The following POU2AF1 variants were observed in gnomAD, a reference collection of about 807,000 sequenced individuals.
The protein encoded by POU2AF1 is POU class 2 homeobox associating factor 1.
A neutral mutation model predicts 26.3 loss-of-function variants in POU2AF1; 12 were observed. The ratio of observed to expected loss-of-function variants is 0.46; its 90% CI spans 0.29 to 0.74. The LOEUF is 0.74. Ranked by LOEUF, POU2AF1 falls within the 30% of genes least tolerant of loss-of-function variation. The pLI is 0.09. For synonymous variants in POU2AF1, 175 were observed against 148.0 expected, an observed-to-expected ratio of 1.18 and a Z score of -1.32; for missense variants, 297 against 334.5, an observed-to-expected ratio of 0.89 and a Z score of 0.87.
chr11:111,372,067 C>CAGAGAGAG (rs1192520089), intron 1 of POU2AF1, among the ~76,000 whole-genome samples: 1 of 144,428 alleles, frequency 6.9e-6, no homozygotes, highest in African/African-American at 2.7e-5. Flanking sequence ...CACACACACA[C>CAGAGAGAG]ACAGAGAGAG....
intron 1 of POU2AF1, among the ~76,000 whole-genome samples, chr11:111,361,012 T>C (rs1460683534): frequency 6.6e-6 from 1 of 152,008 alleles, no homozygotes; most frequent in African/African-American, 2.4e-5. Context: ...TGATAATCCA[T>C]TCCTAATTTA....
chr11:111,372,387 T>C (rs1861230680), intron 1 of POU2AF1, among the ~76,000 whole-genome samples: 1 of 145,794 alleles, frequency 6.9e-6, no homozygotes, highest in Non-Finnish European at 1.5e-5. Context: ...TGGGTTCTCA[T>C]GGTATGAACT....
At chr11:111,357,961 A>G (rs920769649) in intron 2 of POU2AF1, 124 bp from the exon 3 acceptor site, 6 of 1,059,116 alleles carry the variant, frequency 5.7e-6, no homozygotes, top group Non-Finnish European at 8.0e-6. Flanking sequence ...TGGTTAGAAC[A>G]AAACATCCCA....
chr11:111,354,470 T>A lies in POU2AF1; in HGVS notation c.562A>T (p.Thr188Ser), dbSNP rs770194828. The A allele has an allele frequency of 5.0e-6, 8 of 1,609,936 alleles. No homozygotes were observed. In the Admixed American group the frequency reaches 1.4e-4, roughly 27 times the overall value. Residue 188 changes from threonine to serine, a missense_variant, in exon 5 of 5, where the codon ACC (threonine) becomes TCC (serine). Thr to Ser is a moderately conservative substitution (Grantham distance 58). Coordinates refer to ENST00000393067, the MANE Select transcript of POU2AF1 (RefSeq NM_006235.3). Reference protein sequence around the residue: ...PWPQPLSTLPTSTLQYQPPAP... With the variant: ...PWPQPLSTLPSSTLQYQPPAP... ...GGAGGCTGGTACTGCAGGGTGGAGGTGGGTAGTGTGGAAAGGGGCTGAGGC... is the reference window on the plus strand; with the variant it reads ...GGAGGCTGGTACTGCAGGGTGGAGGAGGGTAGTGTGGAAAGGGGCTGAGGC...
intron 1 of POU2AF1, among the ~76,000 whole-genome samples, chr11:111,365,291 G>A (rs1188491039): frequency 6.6e-6 from 1 of 152,206 alleles, no homozygotes; most frequent in Non-Finnish European, 1.5e-5. Context: ...ATTCCTTTAT[G>A]AAGGACATTG....
rs1411606201 is a variant in POU2AF1, at chr11:111,352,434, A to G, written c.*1827T>C. The G allele has an allele frequency of 1.1e-5, 2 of 186,624 alleles. No homozygotes were observed. Among genetic ancestry groups the G allele is most frequent in the African/African-American group, 4.7e-5 (2 of 42,684 alleles). 11.6% of individuals were successfully genotyped at this position (186,624 alleles called of 1,614,324 possible). ...GTGGGTGAGCCAGTTCCCAAGGTAC[A>G]CGTTCACTATCAAGAGCTAAGCACA... On this transcript the variant is annotated 3_prime_UTR_variant, in exon 5 of 5. Coordinates refer to ENST00000393067, the MANE Select transcript of POU2AF1 (RefSeq NM_006235.3).
rs779793936 is a variant in POU2AF1 at position 111,354,544 on chromosome 11, G to A, written c.488C>T (p.Pro163Leu). The A allele has an allele frequency of 1.3e-6, 2 of 1,547,310 alleles. No individual in the cohort carries two copies. Among genetic ancestry groups the A allele is most frequent in the Non-Finnish European group, 1.7e-6 (2 of 1,152,494 alleles). Residue 163 changes from proline (P) to leucine (L), a missense_variant, in exon 5 of 5, where the codon CCC becomes CTC. By Grantham distance (98) the Pro-to-Leu change is moderately conservative (BLOSUM62 -3). Coordinates refer to ENST00000393067, the MANE Select transcript of POU2AF1 (RefSeq NM_006235.3). Reference protein sequence around the residue: ...TRSSATPAVGPPLEGPEHQAP... With the variant: ...TRSSATPAVGLPLEGPEHQAP... ...CTGGTGCTCTGGGCCCTCCAGCGGG[G>A]GCCCCACTGCGGGCGTGGCGGAGCT...
intron 1 of POU2AF1, among the ~76,000 whole-genome samples, chr11:111,376,599 T>C (rs1366034254): frequency 6.6e-6 from 1 of 152,208 alleles, no homozygotes; most frequent in Non-Finnish European, 1.5e-5. Context: ...ACTAGGGTCA[T>C]GGGCTAGGTA....
In POU2AF1 at chr11:111,357,573, G is replaced by T; in HGVS notation, c.328C>A (p.Pro110Thr). 1 of 1,614,106 alleles carries T rather than the reference G, an allele frequency of 6.2e-7. No homozygotes were observed. The highest frequency in any genetic ancestry group is 8.5e-7 in the Non-Finnish European group (1 of 1,179,980). ...APWTPYTEYV[P>T]HEAVSCPYSA... ...TAGGGGCAGCTGACAGCTTCATGGGGCACATACTCGGTGTAAGGTGTCCAT... is the reference window on the plus strand; with the variant it reads ...TAGGGGCAGCTGACAGCTTCATGGGTCACATACTCGGTGTAAGGTGTCCAT... The change falls in exon 4 of 5, where the codon CCC (proline) becomes ACC (threonine). Residue 110 changes from proline (P) to threonine (T), a missense_variant. By Grantham distance (38) the Pro-to-Thr change is conservative. Coordinates refer to ENST00000393067, the MANE Select transcript of POU2AF1 (RefSeq NM_006235.3).
At chr11:111,358,414 A>ACACT (rs1565360774) in intron 2 of POU2AF1, among the ~76,000 whole-genome samples, 4 of 78,886 alleles carry the variant, frequency 5.1e-5, no homozygotes, top group African/African-American at 1.5e-4. Flanking sequence ...ACTCTCTCAC[A>ACACT]CACACGCTCA....
intron 1 of POU2AF1, chr11:111,359,988 G>C (rs1159553284): frequency 1.9e-6 from 1 of 519,052 alleles, no homozygotes; most frequent in Non-Finnish European, 3.8e-6. Flanking sequence ...CTTGTACCCT[G>C]GGGCCAGACA....
Position 111,354,538 on chromosome 11 carries a change from AGCGGGGGCCCCACT to A in POU2AF1, c.480_493del (p.Val161GlyfsTer77), listed in dbSNP as rs1565358451. 6.4e-7 allele frequency: 1 copy of A among 1,552,050 alleles called. No individual in the cohort carries two copies. Among genetic ancestry groups the A allele is most frequent in the Admixed American group, 2.2e-5 (1 of 45,488 alleles). ...GGGTGCCTGGTGCTCTGGGCCCTCC[AGCGGGGGCCCCACT>A]GCGGGCGTGGCGGAGCTTCTTGTCT... On this transcript the variant is annotated frameshift_variant, in exon 5 of 5. Coordinates refer to ENST00000393067, the MANE Select transcript of POU2AF1 (RefSeq NM_006235.3). LOFTEE classifies it high-confidence loss of function.
chr11:111,370,524 A>G (rs959149986), intron 1 of POU2AF1, among the ~76,000 whole-genome samples: 2 of 152,184 alleles, frequency 1.3e-5, no homozygotes, highest in Non-Finnish European at 2.9e-5. Context: ...GAACCCTGGA[A>G]TATAGTTATG....
chr11:111,359,986 C>T, intron 1 of POU2AF1: 1 of 519,052 alleles, frequency 1.9e-6, no homozygotes, highest in South Asian at 1.4e-5. Flanking sequence ...TCCTTGTACC[C>T]TGGGGCCAGA....
chr11:111,354,143 G>A lies in POU2AF1; in HGVS notation c.*118C>T, dbSNP rs1684622773. 9.0e-7 allele frequency: 1 copy of A among 1,107,946 alleles called. No individual in the cohort carries two copies. 68.6% of individuals were successfully genotyped at this position (1,107,946 alleles called of 1,614,324 possible). A position where few individuals can be genotyped will look rare whatever the true frequency, so the allele number is the denominator to read the frequency against. ...GGTTTACAGGTCTACAATTCTAGCT[G>A]TGCGTAGAAAGTGTAGTCATGAAAT... is the stretch of plus-strand genomic sequence containing the variant. On this transcript the variant is annotated 3_prime_UTR_variant, in exon 5 of 5. Transcript: ENST00000393067.
chr11:111,373,754 A>T (rs1861256205), intron 1 of POU2AF1, among the ~76,000 whole-genome samples: 1 of 74 alleles, frequency 0.014, no homozygotes, highest in African/African-American at 0.045. Context: ...CCTGCCTACA[A>T]GTGCTTGTCC....
At chr11:111,357,131 A>T (rs1328869017) in intron 4 of POU2AF1, among the ~76,000 whole-genome samples, 2 of 133,762 alleles carry the variant, frequency 1.5e-5, no homozygotes, top group African/African-American at 5.7e-5. Flanking sequence ...TGCCACATTC[A>T]CTAAAAACTT....
At chr11:111,360,026 T>C (rs1322347849) in intron 1 of POU2AF1, 3 of 518,892 alleles carry the variant, frequency 5.8e-6, no homozygotes, top group African/African-American at 1.9e-5. Context: ...AGGGAAGGTT[T>C]CCTTCCCCTC....
intron 1 of POU2AF1, among the ~76,000 whole-genome samples, chr11:111,373,764 C>T (rs1171407585): frequency 6.6e-6 from 1 of 152,140 alleles, no homozygotes; most frequent in East Asian, 1.9e-4. Flanking sequence ...AGTGCTTGTC[C>T]CCAGTATCAC....
Sources: gnomAD v4.1 joint callset for allele counts (sites outside exome capture counted in the v4.1 genomes callset) on GRCh38, gnomAD v4.1.1 for gene constraint, MANE v1.5 for transcripts, NCBI Gene and HGNC (gene_info 2026-07-23, HGNC 2026-07-21) for gene names.